The following ROBO2 variants were observed in gnomAD, a reference collection of about 807,000 sequenced individuals.
ROBO2 encodes the protein roundabout guidance receptor 2, also known as roundabout homolog 2.
In ROBO2, 53 loss-of-function variants were observed where a neutral mutation model predicts 160.8. The observed-to-expected ratio is 0.33, with a 90% CI of 0.26 to 0.41. The LOEUF (loss-of-function observed/expected upper bound fraction) is 0.41. Ranked by LOEUF, ROBO2 falls within the 10% of genes least tolerant of loss-of-function variation. ROBO2 has a pLI of 1.00. For missense variants in ROBO2, 1,577 were observed against 1,722.4 expected (o/e 0.92, Z 1.49); for synonymous variants, 664 against 611.7 (o/e 1.09, Z -1.26).
rs4054051 is a variant in ROBO2, at chr3:76,065,752, T to TAC, written c.109+128168_109+128169dup. Among the ~76,000 whole-genome samples, 186 of 143,750 alleles carry TAC rather than the reference T, an allele frequency of 1.3e-3. 1 individual carries two copies. The highest frequency in any genetic ancestry group is 7.1e-3 in the East Asian group (35 of 4,896). 94.3% of individuals were successfully genotyped at this position (143,750 alleles called of 152,430 possible). A position where few individuals can be genotyped will look rare whatever the true frequency, so the allele number is the denominator to read the frequency against. Reference sequence around the variant, plus strand: ...TTTAAACTAAATATATATATATATATACACACACACACACACACATATATG... The same window carrying TAC: ...TTTAAACTAAATATATATATATATATACACACACACACACACACACATATATG... On this transcript the variant is annotated intron_variant, in intron 2 of 26. Coordinates refer to the ROBO2 transcript ENST00000487694.
intron 2 of ROBO2, among the ~76,000 whole-genome samples, chr3:76,418,344 A>G (rs1222962277): frequency 6.6e-6 from 1 of 151,996 alleles, no homozygotes; most frequent in Non-Finnish European, 1.5e-5. Flanking sequence ...GGGTTCAAGC[A>G]ATTCTCCTGC....
At chr3:77,028,752 C>A (rs1024340592) in intron 2 of ROBO2, among the ~76,000 whole-genome samples, 1 of 152,088 alleles carries the variant, frequency 6.6e-6, no homozygotes, top group Admixed American at 6.6e-5. Context: ...ATCTCATTTA[C>A]CTTTTTCCTG....
chr3:76,735,609 A>C (rs1235372980), intron 2 of ROBO2, among the ~76,000 whole-genome samples: 3 of 151,850 alleles, frequency 2.0e-5, no homozygotes, highest in Non-Finnish European at 4.4e-5. Flanking sequence ...TAAAAACACA[A>C]AACTTATCTG....
chr3:76,029,244 A>C (rs564918926), intron 2 of ROBO2, among the ~76,000 whole-genome samples: 1 of 152,204 alleles, frequency 6.6e-6, no homozygotes, highest in South Asian at 2.1e-4. Flanking sequence ...AAAAATTAAC[A>C]AAACTTTATC....
intron 2 of ROBO2, among the ~76,000 whole-genome samples, chr3:76,023,468 ATTG>A (rs780426132): frequency 1.1e-4 from 16 of 151,622 alleles, no homozygotes; most frequent in African/African-American, 2.4e-5. Flanking sequence ...TAATTTTAAT[ATTG>A]TTGTGTCTCA....
At chr3:76,438,688 A>G (rs981054712) in intron 2 of ROBO2, among the ~76,000 whole-genome samples, 1 of 152,124 alleles carries the variant, frequency 6.6e-6, no homozygotes, top group African/African-American at 2.4e-5. Context: ...TACATTTTCA[A>G]GTATATATTC....
chr3:76,567,644 T>A (rs1453524652), intron 2 of ROBO2, among the ~76,000 whole-genome samples: 1 of 98,698 alleles, frequency 1.0e-5, no homozygotes, highest in Non-Finnish European at 2.1e-5. Context: ...TATATATATA[T>A]ATATATATAC....
intron 2 of ROBO2, among the ~76,000 whole-genome samples, chr3:76,724,850 G>A (rs1315887931): frequency 6.6e-6 from 1 of 152,148 alleles, no homozygotes; most frequent in Non-Finnish European, 1.5e-5. Flanking sequence ...TCAATCATGA[G>A]TGTCCTTACG....
At chr3:76,102,731 G>A (rs1263745671) in intron 2 of ROBO2, among the ~76,000 whole-genome samples, 1 of 152,022 alleles carries the variant, frequency 6.6e-6, no homozygotes, top group Non-Finnish European at 1.5e-5. Flanking sequence ...TGAACTGAGC[G>A]TCAATATTTG....
intron 2 of ROBO2, among the ~76,000 whole-genome samples, chr3:76,549,172 C>A (rs963152261): frequency 6.6e-6 from 1 of 152,104 alleles, no homozygotes; most frequent in Admixed American, 6.5e-5. Context: ...GCCAAATCAT[C>A]TATAAACACC....
Position 77,431,073 on chromosome 3 carries a change from T to G in ROBO2, c.389-46341T>G, listed in dbSNP as rs537905963. 2.6e-5 allele frequency among the ~76,000 whole-genome samples: 4 copies of G among 152,316 alleles called. No individual in the cohort carries two copies. In the South Asian group the frequency reaches 8.3e-4, roughly 32 times the overall value. The stretch of plus-strand genomic sequence containing the variant: ...TTACATTCTTTAAACTGGAAACTTT[T>G]CAGCGTTAGAATCAATTAGAAATGT... On this transcript the variant is annotated intron_variant, in intron 2 of 25. Coordinates refer to ENST00000461745, the Ensembl canonical transcript of ROBO2.
intron 2 of ROBO2, among the ~76,000 whole-genome samples, chr3:76,189,220 G>T (rs62270660): frequency 0.33 from 50,612 of 151,750 alleles, 9,295 homozygotes; most frequent in Non-Finnish European, 0.41. Context: ...AAATATGAAG[G>T]CTATGTTTCT....
chr3:76,806,525 T>C (rs267104), intron 2 of ROBO2, among the ~76,000 whole-genome samples: 25,696 of 151,702 alleles, frequency 0.17, 2,522 homozygotes, highest in Non-Finnish European at 0.22. Context: ...AAAAAAAACA[T>C]GAATAAAAAT....
intron 23 of ROBO2, chr3:77,634,361 T>C (rs529594979): frequency 4.7e-5 from 8 of 169,226 alleles, no homozygotes; most frequent in African/African-American, 1.4e-4. Context: ...ATTTAATATA[T>C]GTGTCTGAGC....
intron 2 of ROBO2, among the ~76,000 whole-genome samples, chr3:76,313,748 T>A (rs1343779268): frequency 6.6e-6 from 1 of 151,628 alleles, no homozygotes; most frequent in Admixed American, 6.6e-5. Context: ...TCCGAGTTAT[T>A]TTTTTTTTCT....
intron 2 of ROBO2, among the ~76,000 whole-genome samples, chr3:76,663,067 T>G (rs73120008): frequency 0.082 from 12,410 of 152,134 alleles, 512 homozygotes; most frequent in Non-Finnish European, 0.095. Flanking sequence ...TATAAAATAA[T>G]GAAGATTTGA....
intron 2 of ROBO2, among the ~76,000 whole-genome samples, chr3:76,341,540 G>A (rs1576543675): frequency 7.0e-6 from 1 of 143,388 alleles, no homozygotes; most frequent in African/African-American, 2.6e-5. Flanking sequence ...ATTTTCCCTT[G>A]TGCTGTGGAC....
chr3:77,636,826 G>A (rs1211550781), intron 24 of ROBO2, among the ~76,000 whole-genome samples: 1 of 152,114 alleles, frequency 6.6e-6, no homozygotes, highest in Non-Finnish European at 1.5e-5. Context: ...GTTCGATAAT[G>A]AGTATTTCAT....
chr3:77,341,808 C>T (rs967801379), intron 2 of ROBO2, among the ~76,000 whole-genome samples: 12 of 151,310 alleles, frequency 7.9e-5, no homozygotes, highest in African/African-American at 2.7e-4. Context: ...CCATGTGGAA[C>T]ATGAGTGGTT....
Sources: allele counts gnomAD v4.1 joint callset (sites outside exome capture counted in the v4.1 genomes callset), GRCh38; gene constraint gnomAD v4.1.1; transcripts MANE v1.5; gene names NCBI Gene and HGNC (gene_info 2026-07-23, HGNC 2026-07-21).